Variants in SMC1B observed in about 807,000 individuals in gnomAD.
The protein encoded by SMC1B is structural maintenance of chromosomes protein 1B.
SMC1B carries 60 observed loss-of-function variants against 157.9 expected under a neutral mutation model. That is an observed-to-expected ratio of 0.38 (90% CI 0.31 to 0.47). The LOEUF (loss-of-function observed/expected upper bound fraction) is 0.47, where lower values mean the gene tolerates loss of function less well. SMC1B is among the 20% of genes least tolerant of loss of function. The probability of loss-of-function intolerance (pLI) is 0.99; values close to 1 mark genes in which losing one functional copy is unlikely to be tolerated. For synonymous variants in SMC1B, 445 were observed against 483.0 expected (o/e 0.92, Z 1.03); for missense variants, 1,165 against 1,426.2 (o/e 0.82, Z 2.95).
intron 12 of SMC1B, among the ~76,000 whole-genome samples, chr22:45,375,916 G>T (rs753286059): frequency 2.0e-5 from 3 of 152,134 alleles, no homozygotes; most frequent in East Asian, 1.9e-4. Flanking sequence ...TTATATTAAA[G>T]TTATACTACC....
intron 17 of SMC1B, 73 bp from the exon 18 acceptor site, chr22:45,360,031 C>A: frequency 8.6e-7 from 1 of 1,162,984 alleles, no homozygotes; most frequent in East Asian, 2.4e-5. Context: ...AAAATGTATG[C>A]TATAAACTTT....
At chr22:45,345,649 CTGAG>C in intron 23 of SMC1B, 80 bp from the exon 24 acceptor site, 1 of 857,784 alleles carries the variant, frequency 1.2e-6, no homozygotes. Flanking sequence ...CTGCATGTCT[CTGAG>C]TCTGGTCAGT....
chr22:45,403,377 G>A (rs772311965), intron 4 of SMC1B, among the ~76,000 whole-genome samples: 3 of 152,176 alleles, frequency 2.0e-5, no homozygotes, highest in Non-Finnish European at 4.4e-5. Context: ...TATGTATTGA[G>A]TATCTACTAT....
At position 45,399,246 on chromosome 22, in the gene SMC1B, T is replaced by C. The variant is rs202232612; in HGVS notation, c.962A>G (p.Asp321Gly). 3 of 1,614,170 alleles carry C rather than the reference T, an allele frequency of 1.9e-6. No individual in the cohort carries two copies. In the African/African-American group the frequency reaches 4.0e-5, roughly 22 times the overall value. ...CTGTTTAGAACATTGTTTTTCGCTG[T>C]CCTTTATTGATTTCTTAGCCACATC... The part of the protein sequence containing the change: ...KLDVAKKSIK[D>G]SEKQCSKQED... The change falls in exon 6 of 25, where the codon GAC becomes GGC. Residue 321 changes from aspartate (D) to glycine (G), a missense_variant. Asp to Gly is a moderately conservative substitution (Grantham distance 94). Transcript: ENST00000357450.
chr22:45,396,440 GCTACTTT>G lies in SMC1B; in HGVS notation c.1153_1159del (p.Lys385LeufsTer3). The G allele has an allele frequency of 6.2e-7, 1 of 1,612,912 alleles. No homozygotes were observed. The highest frequency in any genetic ancestry group is 8.5e-7 in the Non-Finnish European group (1 of 1,179,464). ...TTTTTCCAGTTGTTGAGTCATTGTAGCTACTTTCTTTCTTACTTGTTCCTTAAGTTCT... is the reference window on the plus strand; with the variant it reads ...TTTTTCCAGTTGTTGAGTCATTGTAGCTTTCTTACTTGTTCCTTAAGTTCT... On this transcript the variant is annotated frameshift_variant, in exon 7 of 25. Coordinates refer to ENST00000357450, the MANE Select transcript of SMC1B (RefSeq NM_148674.5). LOFTEE classifies it high-confidence loss of function.
intron 9 of SMC1B, among the ~76,000 whole-genome samples, chr22:45,391,130 TCTC>T (rs2146828072): frequency 6.6e-6 from 1 of 152,084 alleles, no homozygotes; most frequent in African/African-American, 2.4e-5. Context: ...ACTCAAGTAT[TCTC>T]CTGCCTCAGC....
intron 14 of SMC1B, 113 bp from the exon 15 acceptor site, chr22:45,370,173 C>T: frequency 1.8e-6 from 1 of 544,194 alleles, no homozygotes; most frequent in South Asian, 3.1e-5. Context: ...ACTAATCCCA[C>T]CAAGCATTAC....
In SMC1B at chr22:45,389,701, A is replaced by G. The variant is rs766229433; in HGVS notation, c.1731+11T>C. On this transcript the variant is annotated intron_variant, in intron 10 of 24. Transcript: ENST00000357450. ...TATCACTATAAATACCAGGCATTACAAAGTTCTTACATCAAGGTAATCTAG... is the reference window on the plus strand; with the variant it reads ...TATCACTATAAATACCAGGCATTACGAAGTTCTTACATCAAGGTAATCTAG... 6.2e-7 allele frequency: 1 copy of G among 1,608,110 alleles called. No individual in the cohort carries two copies. The highest frequency in any genetic ancestry group is 8.5e-7 in the Non-Finnish European group (1 of 1,176,216).
intron 14 of SMC1B, among the ~76,000 whole-genome samples, chr22:45,370,758 G>A (rs1004415539): frequency 6.6e-6 from 1 of 152,178 alleles, no homozygotes; most frequent in African/African-American, 2.4e-5. Flanking sequence ...TTGACATCAT[G>A]CTCTGTTCAG....
intron 9 of SMC1B, among the ~76,000 whole-genome samples, chr22:45,393,138 A>C (rs2087081528): frequency 6.6e-6 from 1 of 152,218 alleles, no homozygotes; most frequent in Non-Finnish European, 1.5e-5. Flanking sequence ...AAAGGAAATA[A>C]TCTTGTGATG....
At chr22:45,402,296 A>G in intron 5 of SMC1B, 37 bp downstream of exon 5, 1 of 1,393,944 alleles carries the variant, frequency 7.2e-7, no homozygotes, top group Non-Finnish European at 1.0e-6. Flanking sequence ...CAAGCTACAT[A>G]TAACCCAACT....
At chr22:45,403,384 C>T (rs773568831) in intron 4 of SMC1B, among the ~76,000 whole-genome samples, 1 of 152,302 alleles carries the variant, frequency 6.6e-6, no homozygotes, top group Middle Eastern at 3.4e-3. Flanking sequence ...TGAGTATCTA[C>T]TATGAGCCAG....
intron 2 of SMC1B, among the ~76,000 whole-genome samples, 171 bp from the exon 3 acceptor site, chr22:45,407,036 T>C (rs1293252055): frequency 3.9e-5 from 6 of 152,204 alleles, no homozygotes; most frequent in Middle Eastern, 3.2e-3. Context: ...GTCTATTACA[T>C]GTCAAGGTCT....
At chr22:45,368,463 A>G (rs1194397695) in intron 15 of SMC1B, among the ~76,000 whole-genome samples, 16 of 150,218 alleles carry the variant, frequency 1.1e-4, no homozygotes, top group Admixed American at 1.1e-3. Context: ...TGGAATCAGT[A>G]TTATGTTCCT....
rs563251827 is a variant in SMC1B at position 45,344,273 on chromosome 22, T to A, written c.*283A>T. ...TCAAAATTTTTCCAACCAAACTAGC[T>A]TATTTCAAAATAGAAGTTAGAATTA... On this transcript the variant is annotated 3_prime_UTR_variant, in exon 25 of 25. Coordinates refer to ENST00000357450, the MANE Select transcript of SMC1B (RefSeq NM_148674.5). 2 of 205,990 alleles carry A rather than the reference T, an allele frequency of 9.7e-6. No homozygotes were observed. The highest frequency in any genetic ancestry group is 3.6e-4 in the South Asian group (2 of 5,564). The allele number at this position is 205,990 out of a possible 1,614,324, so 12.8% of individuals were successfully genotyped here. A position where few individuals can be genotyped will look rare whatever the true frequency, so the allele number is the denominator to read the frequency against.
chr22:45,345,411 G>A, intron 24 of SMC1B, 48 bp downstream of exon 24: 1 of 1,170,048 alleles, frequency 8.5e-7, no homozygotes, highest in Non-Finnish European at 1.3e-6. Context: ...AGGGTACTAA[G>A]GGAAGTTGGC....
intron 4 of SMC1B, among the ~76,000 whole-genome samples, chr22:45,403,385 T>C (rs960457051): frequency 6.6e-6 from 1 of 152,214 alleles, no homozygotes; most frequent in African/African-American, 2.4e-5. Flanking sequence ...GAGTATCTAC[T>C]ATGAGCCAGG....
At chr22:45,392,584 T>C (rs1322788249) in intron 9 of SMC1B, among the ~76,000 whole-genome samples, 2 of 151,872 alleles carry the variant, frequency 1.3e-5, no homozygotes, top group Non-Finnish European at 2.9e-5. Context: ...TATCCAGAAG[T>C]CGAAACCAAC....
chr22:45,387,175 G>A (rs746765080), intron 10 of SMC1B, 129 bp from the exon 11 acceptor site: 75 of 792,664 alleles, frequency 9.5e-5, no homozygotes, highest in Non-Finnish European at 1.3e-4. Context: ...CCAGCCAGGC[G>A]TGATGCTCAC....
Sources: allele counts gnomAD v4.1 joint callset (sites outside exome capture counted in the v4.1 genomes callset), GRCh38; gene constraint gnomAD v4.1.1; transcripts MANE v1.5; gene names NCBI Gene and HGNC (gene_info 2026-07-23, HGNC 2026-07-21).